Variants in CNTNAP2 observed in about 807,000 individuals in gnomAD.
CNTNAP2 encodes contactin associated protein 2.
Under a neutral mutation model 155.2 loss-of-function variants are expected in CNTNAP2, and 98 were observed. That is an observed-to-expected ratio of 0.63 (90% CI 0.54 to 0.75). The LOEUF is 0.75. Among genes scored for constraint, CNTNAP2 ranks in the 30% least tolerant of loss-of-function variants. CNTNAP2 has a pLI of 0.00. For missense variants in CNTNAP2, 1,727 were observed against 1,688.1 expected, an observed-to-expected ratio of 1.02 and a Z score of -0.40; for synonymous variants, 651 against 631.2, an observed-to-expected ratio of 1.03 and a Z score of -0.47.
At chr7:148,304,841 A>G (rs973193371) in intron 21 of CNTNAP2, among the ~76,000 whole-genome samples, 4 of 151,982 alleles carry the variant, frequency 2.6e-5, no homozygotes, top group Non-Finnish European at 5.9e-5. Context: ...CACCCTTCCA[A>G]TAGGATGGTT....
intron 13 of CNTNAP2, among the ~76,000 whole-genome samples, chr7:147,758,411 A>G (rs1797248779): frequency 6.6e-6 from 1 of 152,148 alleles, no homozygotes. Flanking sequence ...TCTCTCCCCT[A>G]AGCTCTGGTT....
At chr7:148,109,663 C>T (rs1171985647) in intron 15 of CNTNAP2, among the ~76,000 whole-genome samples, 2 of 117,370 alleles carry the variant, frequency 1.7e-5, no homozygotes, top group Non-Finnish European at 3.3e-5. Flanking sequence ...GGATTACAGG[C>T]GTTGAGATTC....
chr7:147,021,582 T>A (rs930216387), intron 3 of CNTNAP2, among the ~76,000 whole-genome samples: 2 of 152,178 alleles, frequency 1.3e-5, no homozygotes, highest in Non-Finnish European at 2.9e-5. Flanking sequence ...TTCACTCACT[T>A]TTCTCACAGT....
At chr7:147,217,459 G>C (rs902076281) in intron 8 of CNTNAP2, among the ~76,000 whole-genome samples, 1 of 151,854 alleles carries the variant, frequency 6.6e-6, no homozygotes, top group African/African-American at 2.4e-5. Context: ...TACATTAATT[G>C]ATTTTTAAAT....
intron 15 of CNTNAP2, among the ~76,000 whole-genome samples, chr7:148,020,126 GATATTGC>G (rs1338213516): frequency 2.0e-5 from 3 of 152,152 alleles, no homozygotes. Context: ...GAAGCCAAAG[GATATTGC>G]TTCACCTTTA....
chr7:146,397,878 TTATTTATTTA>T (rs1795654661), intron 1 of CNTNAP2, among the ~76,000 whole-genome samples: 2 of 115,336 alleles, frequency 1.7e-5, no homozygotes, highest in African/African-American at 8.9e-5. Context: ...AGGCTTTTAT[TTATTTATTTA>T]TTTTTGACAT....
chr7:148,182,282 TG>T (rs1795052076), intron 18 of CNTNAP2, among the ~76,000 whole-genome samples: 2 of 146,328 alleles, frequency 1.4e-5, no homozygotes, highest in South Asian at 4.5e-4. Flanking sequence ...TCTTTTCTTT[TG>T]TGAGCCAAAA....
chr7:146,875,547 G>T (rs1475449087), intron 3 of CNTNAP2, among the ~76,000 whole-genome samples: 2 of 152,048 alleles, frequency 1.3e-5, no homozygotes, highest in Admixed American at 6.6e-5. Flanking sequence ...CCAGCTCTTC[G>T]AAATGTAAAC....
rs550262090 is a variant in CNTNAP2, at chr7:147,288,127, T to C, written c.1349-12014T>C. On this transcript the variant is annotated intron_variant, in intron 8 of 23. Transcript: ENST00000361727. ...TCAAATCATCATGTGGCTGACCTCT[T>C]GTTGTCCTTCAGGCTTCAGATTTAC... Among the ~76,000 whole-genome samples, 122 of 152,290 alleles carry C rather than the reference T, an allele frequency of 8.0e-4. 1 individual carries two copies. Among genetic ancestry groups the C allele is most frequent in the African/African-American group, 2.8e-3 (117 of 41,564 alleles).
At chr7:148,192,312 C>G (rs1250697055) in intron 18 of CNTNAP2, among the ~76,000 whole-genome samples, 4 of 152,260 alleles carry the variant, frequency 2.6e-5, no homozygotes, top group African/African-American at 9.6e-5. Flanking sequence ...CATTGTTTAG[C>G]TCGCACTTAT....
chr7:146,505,312 A>G (rs867982246), intron 1 of CNTNAP2, among the ~76,000 whole-genome samples: 4 of 152,202 alleles, frequency 2.6e-5, no homozygotes, highest in Admixed American at 1.3e-4. Flanking sequence ...ATGTCAACCT[A>G]TGGTCTAAAT....
At chr7:147,415,832 G>C (rs1797184350) in intron 10 of CNTNAP2, among the ~76,000 whole-genome samples, 1 of 152,148 alleles carries the variant, frequency 6.6e-6, no homozygotes, top group South Asian at 2.1e-4. Context: ...AGTGTAACAA[G>C]TGTGAACTGA....
chr7:146,118,176 G>C (rs569089309), intron 1 of CNTNAP2, among the ~76,000 whole-genome samples: 31 of 152,146 alleles, frequency 2.0e-4, no homozygotes, highest in African/African-American at 6.7e-4. Flanking sequence ...TATAATATCC[G>C]GTTATGAGCC....
chr7:148,267,246 C>A, intron 21 of CNTNAP2, 120 bp downstream of exon 21: 2 of 869,240 alleles, frequency 2.3e-6, no homozygotes, highest in Non-Finnish European at 3.8e-6. Flanking sequence ...AATATCTTCT[C>A]TGTACAGGAA....
chr7:146,147,933 A>G (rs1797979640), intron 1 of CNTNAP2, among the ~76,000 whole-genome samples: 1 of 152,124 alleles, frequency 6.6e-6, no homozygotes, highest in Admixed American at 6.6e-5. Context: ...GAACCAATAT[A>G]TATATTTTTC....
intron 9 of CNTNAP2, among the ~76,000 whole-genome samples, chr7:147,391,432 A>T (rs1796716763): frequency 6.6e-6 from 1 of 152,058 alleles, no homozygotes. Context: ...TTGGAAGTCA[A>T]AGGCCTGTTT....
intron 12 of CNTNAP2, among the ~76,000 whole-genome samples, chr7:147,573,218 A>G (rs1230515423): frequency 6.6e-6 from 1 of 152,188 alleles, no homozygotes; most frequent in East Asian, 1.9e-4. Flanking sequence ...TTGGGAAAAA[A>G]TATCCCTGTG....
rs138739906 is a variant in CNTNAP2, at chr7:147,937,592, A to G, written c.2255+33871A>G. Among the ~76,000 whole-genome samples the G allele has an allele frequency of 3.4e-3, 516 of 152,026 alleles. 4 individuals are homozygous for G. The highest frequency in any genetic ancestry group is 4.4e-3 in the Non-Finnish European group (302 of 67,980). Reference sequence around the variant, plus strand: ...TAACCCACATTCTTATTCTCTCTCCATGCGGCATGGGCACTCTCTCTCCTG... The same window carrying G: ...TAACCCACATTCTTATTCTCTCTCCGTGCGGCATGGGCACTCTCTCTCCTG... On this transcript the variant is annotated intron_variant, in intron 14 of 23. Coordinates refer to ENST00000361727, the MANE Select transcript of CNTNAP2 (RefSeq NM_014141.6).
rs961100980 is a variant in CNTNAP2 at position 147,862,866 on chromosome 7, T to A, written c.2099-40699T>A. 3.0e-4 allele frequency among the ~76,000 whole-genome samples: 45 copies of A among 152,112 alleles called. 1 individual carries two copies. The highest frequency in any genetic ancestry group is 2.9e-3 in the Admixed American group (45 of 15,256). On this transcript the variant is annotated intron_variant, in intron 13 of 23. Transcript: ENST00000361727. ...ACAACACTAAAGATACAAACTGATT[T>A]CCAAAGGTATTATCCAAGAAATTAA...
Sources: gnomAD v4.1 joint callset for allele counts (sites outside exome capture counted in the v4.1 genomes callset) on GRCh38, gnomAD v4.1.1 for gene constraint, MANE v1.5 for transcripts, NCBI Gene and HGNC (gene_info 2026-07-23, HGNC 2026-07-21) for gene names.